C11orf16: variants seen among roughly 807,000 people sequenced by gnomAD.
C11orf16 encodes uncharacterized protein C11orf16.
C11orf16 carries 38 observed loss-of-function variants against 45.1 expected under a neutral mutation model. That is an observed-to-expected ratio of 0.84 (90% confidence interval 0.65 to 1.10). The LOEUF is 1.10. C11orf16 is among the 50% of genes least tolerant of loss of function. The pLI is 0.00. For missense variants in C11orf16, 583 were observed against 569.5 expected (o/e 1.02, Z -0.24); for synonymous variants, 221 against 222.0 (o/e 1.00, Z 0.04).
rs1238150457 is a variant in C11orf16, at chr11:8,932,344, C to T, written c.-18-18G>A. Reference sequence around the variant, plus strand: ...GGATCCACCTGAGAATAGGCACCACCATTACCTGAGCTGCAGCTTGAAGCA... The same window carrying T: ...GGATCCACCTGAGAATAGGCACCACTATTACCTGAGCTGCAGCTTGAAGCA... On this transcript the variant is annotated intron_variant, in intron 1 of 6. Coordinates refer to ENST00000326053, the MANE Select transcript of C11orf16 (RefSeq NM_020643.3). The T allele has an allele frequency of 1.4e-5, 21 of 1,542,428 alleles. No homozygotes were observed. Among genetic ancestry groups the T allele is most frequent in the Non-Finnish European group, 1.7e-5 (20 of 1,146,656 alleles).
intron 1 of C11orf16, 102 bp from the exon 2 acceptor site, chr11:8,932,428 A>T: frequency 1.0e-6 from 1 of 959,042 alleles, no homozygotes; most frequent in East Asian, 2.7e-5. Context: ...CTCTGGGGAC[A>T]GTTGAGTCCA....
Position 8,927,015 on chromosome 11 carries a change from G to T in C11orf16, c.484C>A (p.Leu162Ile). ...TACTGCTGTTGGCCTGGCTCCCAGA[G>T]TGCCAGCACCTTATCCCCTGGTCTC... ...SLRPGDKVLA[L>I]WEPGQQQYGP... Residue 162 changes from leucine to isoleucine, a missense_variant, in exon 4 of 7, where the codon CTC becomes ATC. Leu to Ile is a conservative substitution (Grantham distance 5). Transcript: ENST00000326053. The T allele has an allele frequency of 6.2e-7, 1 of 1,614,100 alleles. No homozygotes were observed. Among genetic ancestry groups the T allele is most frequent in the Non-Finnish European group, 8.5e-7 (1 of 1,180,020 alleles).
At chr11:8,932,595 T>C (rs1048776640) in intron 1 of C11orf16, among the ~76,000 whole-genome samples, 6 of 152,224 alleles carry the variant, frequency 3.9e-5, no homozygotes, top group Non-Finnish European at 8.8e-5. Flanking sequence ...GCCTGCTGGC[T>C]GTGTGCTCAC....
At chr11:8,931,246 C>T (rs1234895049) in intron 2 of C11orf16, among the ~76,000 whole-genome samples, 1 of 151,358 alleles carries the variant, frequency 6.6e-6, no homozygotes, top group African/African-American at 2.4e-5. Flanking sequence ...GTTTTTGAGA[C>T]AGAGTCTCAC....
chr11:8,925,218 A>C (rs1211463915), intron 5 of C11orf16, among the ~76,000 whole-genome samples: 1 of 152,248 alleles, frequency 6.6e-6, no homozygotes, highest in Non-Finnish European at 1.5e-5. Flanking sequence ...CAGGTATTAA[A>C]TAGGGATGCA....
Position 8,920,468 on chromosome 11 carries a change from A to G in C11orf16, c.*23-18T>C, listed in dbSNP as rs373267880. ...TTCTTTACCTATAAAAGGGGGAAAA[A>G]TTCCATACATTGTTATGCTGACTGC... is the stretch of plus-strand genomic sequence containing the variant. On this transcript the variant is annotated intron_variant, in intron 6 of 6. Transcript: ENST00000326053. 8.8e-5 allele frequency: 59 copies of G among 669,242 alleles called. No homozygotes were observed. Among genetic ancestry groups the G allele is most frequent in the East Asian group, 5.5e-4 (19 of 34,822 alleles). 41.5% of individuals were successfully genotyped at this position (669,242 alleles called of 1,614,324 possible). A position where few individuals can be genotyped will look rare whatever the true frequency, so the allele number is the denominator to read the frequency against.
At chr11:8,931,322 C>G (rs2064648696) in intron 2 of C11orf16, among the ~76,000 whole-genome samples, 1 of 151,976 alleles carries the variant, frequency 6.6e-6, no homozygotes, top group African/African-American at 2.4e-5. Context: ...CTCCCGAGTT[C>G]AAGCAATTTT....
chr11:8,925,856 G>T lies in C11orf16; in HGVS notation c.811C>A (p.His271Asn). ...TGGCACAGTAGCTGGCAGCAGGCAT[G>T]ATGGTGGCAGAGAGGGCACAGGAAT... The part of the protein sequence containing the change: ...APFLCPLCHH[H>N]ACCQLLCQGC... Residue 271 changes from histidine (H) to asparagine (N), a missense_variant, in exon 5 of 7, where the codon CAT (histidine) becomes AAT (asparagine). Physicochemically the swap from His to Asn is moderately conservative, Grantham distance 68 (BLOSUM62 1). Transcript: ENST00000326053. 1 of 1,614,224 alleles carries T rather than the reference G, an allele frequency of 6.2e-7. No homozygotes were observed. The highest frequency in any genetic ancestry group is 8.5e-7 in the Non-Finnish European group (1 of 1,180,044).
rs1055590347 is a variant in C11orf16 at position 8,921,367 on chromosome 11, T to C, written c.1353A>G (p.Arg451=). ...PRTPPGEAEH[R]KRSQSLAICQ... The stretch of plus-strand genomic sequence containing the variant: ...ATATTGCAAGGCTCTGACTCCGCTT[T>C]CTGTGTTCAGCTTCCCCTGGCGGGG... The change falls in exon 6 of 7, where the codon AGA becomes AGG. Residue 451 remains arginine (R), a synonymous_variant. Transcript: ENST00000326053. 6.2e-7 allele frequency: 1 copy of C among 1,614,122 alleles called. No homozygotes were observed. The highest frequency in any genetic ancestry group is 1.3e-5 in the African/African-American group (1 of 74,936).
chr11:8,921,320 C>T lies in C11orf16; in HGVS notation c.1400G>A (p.Arg467His), dbSNP rs146809873. ...TAGATCCTCAGGGCTCTTAGTCTAA[C>T]GGGAATTCTTGTTCCACTGACATAT... ...LAICQWNKNS[R>H] Residue 467 changes from arginine (R) to histidine (H), a missense_variant, in exon 6 of 7, where the codon CGT (arginine) becomes CAT (histidine). Coordinates refer to ENST00000326053, the MANE Select transcript of C11orf16 (RefSeq NM_020643.3). The T allele has an allele frequency of 4.3e-3, 6,955 of 1,613,918 alleles. 17 individuals are homozygous for T. Among genetic ancestry groups the T allele is most frequent in the Non-Finnish European group, 4.9e-3 (5,802 of 1,180,008 alleles).
chr11:8,930,308 C>G (rs7110816), intron 2 of C11orf16, among the ~76,000 whole-genome samples: 1 of 151,520 alleles, frequency 6.6e-6, no homozygotes, highest in African/African-American at 2.4e-5. Flanking sequence ...TGCCTGTAGT[C>G]TCAGCTACTC....
At position 8,926,017 on chromosome 11, in the gene C11orf16, A is replaced by G. The variant is rs1181621782; in HGVS notation, c.650T>C (p.Ile217Thr). Residue 217 changes from isoleucine to threonine, a missense_variant, in exon 5 of 7, where the codon ATC (isoleucine) becomes ACC (threonine). Ile to Thr is a moderately conservative substitution (Grantham distance 89). Transcript: ENST00000326053. ...LGGVQSVSLTIWKKAVERLHK... is the reference protein window; with the variant it reads ...LGGVQSVSLTTWKKAVERLHK... ...CAGCCTCTCCACAGCCTTCTTCCAG[A>G]TGGTCAGGGACACCGACTGGACCCC... is the stretch of plus-strand genomic sequence containing the variant. 1.2e-6 allele frequency: 2 copies of G among 1,613,984 alleles called. No individual in the cohort carries two copies. The highest frequency in any genetic ancestry group is 1.7e-5 in the Admixed American group (1 of 60,008).
intron 5 of C11orf16, among the ~76,000 whole-genome samples, chr11:8,922,468 G>A (rs1015891868): frequency 2.6e-5 from 4 of 152,144 alleles, no homozygotes; most frequent in African/African-American, 4.8e-5. Flanking sequence ...TGCTTTTTAC[G>A]TTTCTTTTAA....
At chr11:8,929,820 C>T (rs1369634936) in intron 2 of C11orf16, among the ~76,000 whole-genome samples, 1 of 152,132 alleles carries the variant, frequency 6.6e-6, no homozygotes, top group African/African-American at 2.4e-5. Flanking sequence ...GATGCTTGTT[C>T]CTACACTAGA....
Position 8,932,202 on chromosome 11 carries a change from G to A in C11orf16, c.107C>T (p.Ser36Phe), listed in dbSNP as rs765731503. Residue 36 changes from serine to phenylalanine, a missense_variant, in exon 2 of 7, where the codon TCC (serine) becomes TTC (phenylalanine). Physicochemically the swap from Ser to Phe is radical, Grantham distance 155. Transcript: ENST00000326053. ...WDGAAPPWDL[S>F]FTYPFALQAP... ...TTGGAGGGCAAAGGGGTAGGTGAAG[G>A]AGAGGTCCCAAGGTGGAGCAGCACC... 3 of 1,597,354 alleles carry A rather than the reference G, an allele frequency of 1.9e-6. No homozygotes were observed. The highest frequency in any genetic ancestry group is 2.6e-6 in the Non-Finnish European group (3 of 1,172,270).
chr11:8,921,135 C>T (rs545050567), intron 6 of C11orf16, among the ~76,000 whole-genome samples, 159 bp downstream of exon 6: 1 of 152,218 alleles, frequency 6.6e-6, no homozygotes, highest in South Asian at 2.1e-4. Flanking sequence ...TCATGGGTTC[C>T]ATAAGCCTTC....
intron 4 of C11orf16, 93 bp downstream of exon 4, chr11:8,926,847 C>T: frequency 2.0e-6 from 2 of 995,072 alleles, no homozygotes; most frequent in South Asian, 1.5e-5. Context: ...CTTAGAAACC[C>T]CTAAGCTGTA....
intron 2 of C11orf16, 143 bp downstream of exon 2, chr11:8,931,999 A>T (rs2064652577): frequency 2.3e-6 from 2 of 875,358 alleles, no homozygotes; most frequent in Non-Finnish European, 3.4e-6. Flanking sequence ...CCACACAGAT[A>T]TGCCAATCAT....
intron 3 of C11orf16, among the ~76,000 whole-genome samples, chr11:8,927,865 G>T (rs1363122625): frequency 1.3e-5 from 2 of 152,170 alleles, no homozygotes; most frequent in Non-Finnish European, 2.9e-5. Context: ...GCAAAGCTTT[G>T]CTAGAATTTC....
Sources: gnomAD v4.1 joint callset for allele counts (sites outside exome capture counted in the v4.1 genomes callset) on GRCh38, gnomAD v4.1.1 for gene constraint, MANE v1.5 for transcripts, NCBI Gene and HGNC (gene_info 2026-07-23, HGNC 2026-07-21) for gene names.